BACH2: variants seen among roughly 807,000 people sequenced by gnomAD.
The protein encoded by BACH2 is transcription regulator protein BACH2.
A neutral mutation model predicts 61.8 loss-of-function variants in BACH2; 5 were observed. The observed-to-expected ratio is 0.08, with a 90% CI of 0.04 to 0.17. BACH2 has a LOEUF of 0.17. Among genes scored for constraint, BACH2 ranks in the 10% least tolerant of loss-of-function variants. The pLI, the probability that BACH2 is intolerant of heterozygous loss-of-function variation, is 1.00. For synonymous variants in BACH2, 446 were observed against 440.1 expected, an observed-to-expected ratio of 1.01 and a Z score of -0.17; for missense variants, 824 against 1,091.1, an observed-to-expected ratio of 0.76 and a Z score of 3.45.
intron 6 of BACH2, among the ~76,000 whole-genome samples, chr6:90,000,583 T>A (rs762391794): frequency 6.6e-6 from 1 of 152,218 alleles, no homozygotes; most frequent in East Asian, 1.9e-4. Flanking sequence ...TCACATTTCA[T>A]TTATCTGAAC....
intron 7 of BACH2, among the ~76,000 whole-genome samples, chr6:89,941,674 G>A (rs1318419742): frequency 6.6e-6 from 1 of 152,220 alleles, no homozygotes; most frequent in South Asian, 2.1e-4. Flanking sequence ...ACAGAGGTCT[G>A]TCTGTTGGAG....
At chr6:90,152,822 G>A (rs988656806) in intron 4 of BACH2, among the ~76,000 whole-genome samples, 6 of 152,126 alleles carry the variant, frequency 3.9e-5, no homozygotes, top group Non-Finnish European at 8.8e-5. Flanking sequence ...CTGATACTTG[G>A]GGGTTATGTT....
chr6:89,933,038 T>C, intron 8 of BACH2, 148 bp from the exon 9 acceptor site: 4 of 913,424 alleles, frequency 4.4e-6, no homozygotes, highest in Non-Finnish European at 6.3e-6. Context: ...AACTTAAAGA[T>C]ACATATTCAG....
At chr6:90,163,178 T>TCA (rs1767459890) in intron 4 of BACH2, among the ~76,000 whole-genome samples, 1 of 151,728 alleles carries the variant, frequency 6.6e-6, no homozygotes, top group Non-Finnish European at 1.5e-5. Flanking sequence ...CAGTAGAGAG[T>TCA]CACATGAAGA....
intron 4 of BACH2, among the ~76,000 whole-genome samples, chr6:90,181,462 G>T (rs867159657): frequency 1.3e-4 from 19 of 147,520 alleles, no homozygotes; most frequent in South Asian, 4.3e-4. Flanking sequence ...AAAAGTTGTT[G>T]TTTTTTTTTT....
chr6:90,156,317 G>A (rs1194696136), intron 4 of BACH2, among the ~76,000 whole-genome samples: 1 of 152,200 alleles, frequency 6.6e-6, no homozygotes, highest in Middle Eastern at 3.2e-3. Flanking sequence ...AACCCCTGTA[G>A]GCAGTAAGAA....
At chr6:90,003,020 A>G (rs1777217070) in intron 6 of BACH2, among the ~76,000 whole-genome samples, 1 of 152,190 alleles carries the variant, frequency 6.6e-6, no homozygotes, top group South Asian at 2.1e-4. Context: ...TGTCACTGCT[A>G]TCACCCTGGT....
chr6:89,946,497 G>T (rs1257752577), intron 7 of BACH2, among the ~76,000 whole-genome samples: 1 of 152,216 alleles, frequency 6.6e-6, no homozygotes, highest in Non-Finnish European at 1.5e-5. Flanking sequence ...TAACAGTAGG[G>T]TCACAAAATG....
intron 5 of BACH2, among the ~76,000 whole-genome samples, chr6:90,077,816 A>T (rs373714407): frequency 6.6e-6 from 1 of 152,186 alleles, no homozygotes; most frequent in East Asian, 1.9e-4. Flanking sequence ...TAACTTTGAT[A>T]AATGAAGAAA....
chr6:90,175,129 T>C (rs1767945054), intron 4 of BACH2, among the ~76,000 whole-genome samples: 1 of 152,094 alleles, frequency 6.6e-6, no homozygotes, highest in Non-Finnish European at 1.5e-5. Flanking sequence ...TATGATATAC[T>C]TCATAATCTA....
intron 2 of BACH2, among the ~76,000 whole-genome samples, chr6:90,266,749 G>A (rs892938732): frequency 6.6e-6 from 1 of 152,166 alleles, no homozygotes; most frequent in Non-Finnish European, 1.5e-5. Flanking sequence ...CAGGGGTTGA[G>A]GGATAAGGGG....
chr6:90,046,167 C>T (rs572007071), intron 5 of BACH2, among the ~76,000 whole-genome samples: 2 of 152,212 alleles, frequency 1.3e-5, no homozygotes, highest in Admixed American at 1.3e-4. Context: ...GCTCTGGATA[C>T]GTTGACATGG....
intron 4 of BACH2, among the ~76,000 whole-genome samples, chr6:90,206,319 C>T (rs1769143027): frequency 6.6e-6 from 1 of 152,108 alleles, no homozygotes; most frequent in Non-Finnish European, 1.5e-5. Context: ...AAGGCAGTTA[C>T]ACTAAAACCC....
chr6:90,187,588 T>C (rs894840127), intron 4 of BACH2, among the ~76,000 whole-genome samples: 1 of 152,190 alleles, frequency 6.6e-6, no homozygotes, highest in Non-Finnish European at 1.5e-5. Flanking sequence ...GATGAAGAAA[T>C]CATCTGGATC....
chr6:90,247,959 T>A (rs1346705545), intron 3 of BACH2, among the ~76,000 whole-genome samples: 1 of 152,248 alleles, frequency 6.6e-6, no homozygotes, highest in Non-Finnish European at 1.5e-5. Flanking sequence ...CTCTCTTATA[T>A]GTTATACTCA....
At chr6:90,243,584 A>G (rs1009369624) in intron 3 of BACH2, among the ~76,000 whole-genome samples, 2 of 152,210 alleles carry the variant, frequency 1.3e-5, no homozygotes, top group African/African-American at 4.8e-5. Flanking sequence ...TGGTCTTTAC[A>G]TAACGTTCAT....
At chr6:89,989,518 AGGT>A (rs1191227680) in intron 6 of BACH2, among the ~76,000 whole-genome samples, 6 of 152,126 alleles carry the variant, frequency 3.9e-5, no homozygotes, top group Non-Finnish European at 8.8e-5. Flanking sequence ...CCTTCTGCTT[AGGT>A]GGTGGCCAGA....
intron 5 of BACH2, among the ~76,000 whole-genome samples, chr6:90,059,234 G>A (rs1353721326): frequency 6.6e-6 from 1 of 152,244 alleles, no homozygotes; most frequent in East Asian, 1.9e-4. Flanking sequence ...ATCTGACAAA[G>A]GGCTAATATC....
At chr6:90,086,117 C>T (rs1223559430) in intron 5 of BACH2, among the ~76,000 whole-genome samples, 2 of 152,176 alleles carry the variant, frequency 1.3e-5, no homozygotes, top group Non-Finnish European at 2.9e-5. Context: ...TTTCACTTAG[C>T]ATCTTCAGGG....
Sources: gnomAD v4.1 joint callset for allele counts (sites outside exome capture counted in the v4.1 genomes callset) on GRCh38, gnomAD v4.1.1 for gene constraint, MANE v1.5 for transcripts, NCBI Gene and HGNC (gene_info 2026-07-23, HGNC 2026-07-21) for gene names.